Variants in GALNT13 observed in about 807,000 individuals in gnomAD.
GALNT13 encodes UDP-GalNAc:polypeptide N-acetylgalactosaminyltransferase 13.
In GALNT13, 28 loss-of-function variants were observed where a neutral mutation model predicts 64.2. The observed-to-expected ratio is 0.44, with a 90% CI of 0.32 to 0.60. The LOEUF (loss-of-function observed/expected upper bound fraction) is 0.60, where lower values mean the gene tolerates loss of function less well. GALNT13 is among the 20% of genes least tolerant of loss of function. The pLI is 0.05. For missense variants in GALNT13, 577 were observed against 669.8 expected (o/e 0.86, Z 1.53); for synonymous variants, 214 against 224.6 (o/e 0.95, Z 0.42).
At chr2:153,442,931 C>T in the GALNT13 span, among the ~76,000 whole-genome samples, 1 of 152,194 alleles carries the variant, frequency 6.6e-6, no homozygotes, top group South Asian at 2.1e-4. Context: ...TGACTTCAGA[C>T]TGCTGTGCTT....
the GALNT13 span, among the ~76,000 whole-genome samples, chr2:153,174,438 A>T: frequency 6.6e-6 from 1 of 151,080 alleles, no homozygotes; most frequent in Non-Finnish European, 1.5e-5. Flanking sequence ...CAGCAATAAC[A>T]TTGGTGATAC....
chr2:153,441,809 C>T, the GALNT13 span, among the ~76,000 whole-genome samples: 1 of 152,144 alleles, frequency 6.6e-6, no homozygotes, highest in Non-Finnish European at 1.5e-5. Context: ...TATCCTGAGA[C>T]TTTGCTGAAG....
intron 2 of GALNT13, among the ~76,000 whole-genome samples, chr2:153,936,726 A>AT (rs757532983): frequency 1.8e-3 from 269 of 146,138 alleles, no homozygotes; most frequent in Middle Eastern, 7.1e-3. Flanking sequence ...ATTAAATTTA[A>AT]TTTTTTTTTT....
intron 3 of GALNT13, among the ~76,000 whole-genome samples, chr2:154,002,537 C>T (rs1175626394): frequency 6.6e-6 from 1 of 151,618 alleles, no homozygotes; most frequent in Non-Finnish European, 1.5e-5. Context: ...GCTTTTATTC[C>T]TAGGTTGTTT....
At chr2:153,386,070 T>TG in the GALNT13 span, among the ~76,000 whole-genome samples, 24 of 152,022 alleles carry the variant, frequency 1.6e-4, no homozygotes, top group East Asian at 1.9e-3. Context: ...TTAAGAGATT[T>TG]GGGGGGGTTT....
chr2:153,896,081 A>ATATATATATATATATATTTTTTTTTTTT lies in GALNT13; in HGVS notation c.-176-4854_-176-4853insATATATATATATATATTTTTTTTTTTTT, dbSNP rs1574065409. ...TTTCTGGAATTAAGGATGATTTTAT[A>ATATATATATATATATATTTTTTTTTTTT]TTTTTATGTTTTTTCCTAAATTAAA... On this transcript the variant is annotated intron_variant, in intron 1 of 12. Transcript: ENST00000392825. Among the ~76,000 whole-genome samples the ATATATATATATATATATTTTTTTTTTTT allele has an allele frequency of 2.9e-5, 4 of 136,810 alleles. 1 individual carries two copies. Among genetic ancestry groups the ATATATATATATATATATTTTTTTTTTTT allele is most frequent in the South Asian group, 4.8e-4 (2 of 4,150 alleles). The allele number at this position is 136,810 out of a possible 152,430, so 89.8% of individuals were successfully genotyped here.
At chr2:153,139,649 G>T in the GALNT13 span, among the ~76,000 whole-genome samples, 1 of 151,920 alleles carries the variant, frequency 6.6e-6, no homozygotes, top group Non-Finnish European at 1.5e-5. Flanking sequence ...GGCATATTAG[G>T]CAAAAGACAA....
the GALNT13 span, among the ~76,000 whole-genome samples, chr2:153,486,861 C>T: frequency 1.3e-5 from 2 of 152,254 alleles, no homozygotes; most frequent in East Asian, 1.9e-4. Context: ...GTGAAAAAGC[C>T]ACTGAACTGC....
intron 4 of GALNT13, among the ~76,000 whole-genome samples, chr2:154,182,898 GTCT>G (rs750867620): frequency 1.3e-5 from 2 of 151,882 alleles, no homozygotes. Flanking sequence ...ATTGTGTATG[GTCT>G]TCTTAATGTG....
At chr2:153,146,430 C>G in the GALNT13 span, among the ~76,000 whole-genome samples, 7 of 151,834 alleles carry the variant, frequency 4.6e-5, no homozygotes, top group African/African-American at 1.4e-4. Context: ...AAAACCTTGT[C>G]CTAAGAGCCC....
Position 154,304,129 on chromosome 2 carries a change from A to G in GALNT13, c.1156+2540A>G, listed in dbSNP as rs796691050. On this transcript the variant is annotated intron_variant, in intron 9 of 12. Coordinates refer to ENST00000392825, the MANE Select transcript of GALNT13 (RefSeq NM_052917.4). Reference sequence around the variant, plus strand: ...ATGAAGTTTCTTATTAAGATCCAGCATCGCTATATAAAGAATGGGGGCATT... The same window carrying G: ...ATGAAGTTTCTTATTAAGATCCAGCGTCGCTATATAAAGAATGGGGGCATT... Among the ~76,000 whole-genome samples the G allele has an allele frequency of 1.7e-4, 26 of 152,334 alleles. 1 individual carries two copies. Among genetic ancestry groups the G allele is most frequent in the African/African-American group, 6.3e-4 (26 of 41,572 alleles).
chr2:153,884,809 GTGTGTGTGTGTATATATA>G (rs1687038515), intron 1 of GALNT13, among the ~76,000 whole-genome samples: 10 of 112,874 alleles, frequency 8.9e-5, no homozygotes, highest in Middle Eastern at 4.2e-3. Flanking sequence ...ATATATATGT[GTGTGTGTGTGTATATATA>G]TGTGTGTGTG....
intron 8 of GALNT13, among the ~76,000 whole-genome samples, chr2:154,295,744 C>A (rs983942031): frequency 6.6e-6 from 1 of 152,060 alleles, no homozygotes; most frequent in Admixed American, 6.6e-5. Context: ...ATTCTCTTCT[C>A]TCCCTAGGCC....
chr2:154,156,274 AT>A (rs1293281517), intron 4 of GALNT13, among the ~76,000 whole-genome samples: 4 of 152,062 alleles, frequency 2.6e-5, no homozygotes, highest in African/African-American at 9.7e-5. Flanking sequence ...CTTAAGTAAA[AT>A]TCACATTTTA....
the GALNT13 span, among the ~76,000 whole-genome samples, chr2:153,489,844 G>A: frequency 6.6e-6 from 1 of 152,128 alleles, no homozygotes; most frequent in Non-Finnish European, 1.5e-5. Flanking sequence ...TTCTTAGCAT[G>A]CATAGTTAGG....
intron 4 of GALNT13, among the ~76,000 whole-genome samples, chr2:154,219,662 G>A (rs1657373122): frequency 6.6e-6 from 1 of 152,084 alleles, no homozygotes; most frequent in Non-Finnish European, 1.5e-5. Flanking sequence ...CTCCAGTTGA[G>A]CAGTCTTCAG....
the GALNT13 span, among the ~76,000 whole-genome samples, chr2:153,599,223 A>C: frequency 2.6e-5 from 4 of 152,098 alleles, no homozygotes; most frequent in Admixed American, 2.6e-4. Context: ...TTAATTATTT[A>C]TCTCTTTATG....
chr2:153,820,509 A>T, the GALNT13 span, among the ~76,000 whole-genome samples: 1 of 152,198 alleles, frequency 6.6e-6, no homozygotes, highest in Non-Finnish European at 1.5e-5. Flanking sequence ...AGGGAACACC[A>T]TTAGACTAAC....
chr2:154,391,797 T>G (rs528650972), intron 9 of GALNT13, among the ~76,000 whole-genome samples: 4 of 152,180 alleles, frequency 2.6e-5, no homozygotes, highest in Admixed American at 2.6e-4. Context: ...TCCAAAGTTT[T>G]TGTTGAGAAG....
Sources: gnomAD v4.1 joint callset for allele counts (sites outside exome capture counted in the v4.1 genomes callset) on GRCh38, gnomAD v4.1.1 for gene constraint, MANE v1.5 for transcripts, NCBI Gene and HGNC (gene_info 2026-07-23, HGNC 2026-07-21) for gene names.